Variants in NUBPL observed in about 807,000 individuals in gnomAD.
NUBPL encodes iron-sulfur cluster transfer protein NUBPL.
NUBPL carries 31 observed loss-of-function variants against 45.7 expected under a neutral mutation model. The ratio of observed to expected loss-of-function variants is 0.68; its 90% CI spans 0.51 to 0.92. The LOEUF (loss-of-function observed/expected upper bound fraction) is 0.92, where lower values mean the gene tolerates loss of function less well. Among genes scored for constraint, NUBPL ranks in the 40% least tolerant of loss-of-function variants. The pLI is 0.00. For synonymous variants in NUBPL, 144 were observed against 140.9 expected (o/e 1.02, Z -0.15); for missense variants, 401 against 398.7 (o/e 1.01, Z -0.05).
chr14:31,622,644 C>T (rs535539177), intron 4 of NUBPL, among the ~76,000 whole-genome samples: 1 of 152,234 alleles, frequency 6.6e-6, no homozygotes, highest in Non-Finnish European at 1.5e-5. Flanking sequence ...TCAGGCCATT[C>T]TTTCAGAGGG....
At chr14:31,823,626 A>T (rs1181427199) in intron 7 of NUBPL, among the ~76,000 whole-genome samples, 4 of 152,092 alleles carry the variant, frequency 2.6e-5, no homozygotes, top group Non-Finnish European at 5.9e-5. Flanking sequence ...GTTAAGATGT[A>T]ATGCTAAATA....
At chr14:31,733,960 A>AGTT (rs1368269257) in intron 6 of NUBPL, among the ~76,000 whole-genome samples, 6 of 152,146 alleles carry the variant, frequency 3.9e-5, no homozygotes, top group Admixed American at 3.3e-4. Context: ...GTTTGCTGAG[A>AGTT]GTTGTTATTA....
At chr14:31,673,451 C>A (rs759920548) in intron 5 of NUBPL, 33 bp from the exon 6 acceptor site, 1 of 1,601,184 alleles carries the variant, frequency 6.2e-7, no homozygotes, top group Admixed American at 1.7e-5. Context: ...TTAATTTATA[C>A]AAATTAGTTG....
intron 6 of NUBPL, among the ~76,000 whole-genome samples, chr14:31,696,833 A>C (rs1242132527): frequency 6.6e-6 from 1 of 152,252 alleles, no homozygotes; most frequent in Admixed American, 6.5e-5. Context: ...ATACAAACAT[A>C]AAAGTTTAAC....
At chr14:31,757,789 A>G (rs1414292061) in intron 6 of NUBPL, among the ~76,000 whole-genome samples, 1 of 152,186 alleles carries the variant, frequency 6.6e-6, no homozygotes, top group Non-Finnish European at 1.5e-5. Context: ...CCATGTGCTT[A>G]GATCATAACT....
At chr14:31,788,125 C>G (rs2039316883) in intron 7 of NUBPL, among the ~76,000 whole-genome samples, 1 of 151,970 alleles carries the variant, frequency 6.6e-6, no homozygotes, top group Non-Finnish European at 1.5e-5. Flanking sequence ...AAGAATTTGT[C>G]CAAGAGACAA....
chr14:31,621,681 C>T (rs1009446170), intron 4 of NUBPL, among the ~76,000 whole-genome samples: 2 of 152,218 alleles, frequency 1.3e-5, no homozygotes, highest in Non-Finnish European at 2.9e-5. Flanking sequence ...CAGAAATCAC[C>T]CGCCTTCTGC....
chr14:31,758,919 C>G (rs965752247), intron 6 of NUBPL, among the ~76,000 whole-genome samples: 8 of 152,072 alleles, frequency 5.3e-5, no homozygotes, highest in Non-Finnish European at 7.4e-5. Context: ...TTAAAGAAGA[C>G]AAGCTTTTCC....
At chr14:31,647,635 A>C (rs1295172995) in intron 4 of NUBPL, among the ~76,000 whole-genome samples, 1 of 152,230 alleles carries the variant, frequency 6.6e-6, no homozygotes, top group Non-Finnish European at 1.5e-5. Context: ...ACAGAGTTAC[A>C]GATCAGAGTT....
chr14:31,578,406 C>G (rs566293350), intron 3 of NUBPL, among the ~76,000 whole-genome samples: 1 of 152,260 alleles, frequency 6.6e-6, no homozygotes, highest in Admixed American at 6.5e-5. Flanking sequence ...TTTCACGTGA[C>G]AGATTTCATT....
intron 6 of NUBPL, among the ~76,000 whole-genome samples, chr14:31,739,100 G>A (rs939006171): frequency 2.7e-5 from 4 of 148,952 alleles, no homozygotes; most frequent in Non-Finnish European, 4.5e-5. Flanking sequence ...TGCAACCTCC[G>A]CCTCCTGGGT....
At chr14:31,669,588 G>GGTTTAATT (rs1275577381) in intron 4 of NUBPL, among the ~76,000 whole-genome samples, 2 of 151,818 alleles carry the variant, frequency 1.3e-5, no homozygotes, top group East Asian at 3.9e-4. Flanking sequence ...GTACTCAATA[G>GGTTTAATT]TTATATTTTT....
chr14:31,743,600 G>A (rs1011414704), intron 6 of NUBPL, among the ~76,000 whole-genome samples: 4 of 152,122 alleles, frequency 2.6e-5, no homozygotes, highest in African/African-American at 7.2e-5. Flanking sequence ...GGCTGGTCTC[G>A]AACTCCTGAA....
At chr14:31,654,074 A>G (rs2036080672) in intron 4 of NUBPL, 1 of 455,276 alleles carries the variant, frequency 2.2e-6, no homozygotes, top group Admixed American at 2.4e-5. Context: ...ATACAGGTAT[A>G]TCTCAGAGAT....
At chr14:31,778,999 A>G (rs941909977) in intron 6 of NUBPL, among the ~76,000 whole-genome samples, 1 of 152,190 alleles carries the variant, frequency 6.6e-6, no homozygotes, top group Admixed American at 6.5e-5. Flanking sequence ...GTAAAGTGGC[A>G]GGATTGGGCA....
intron 6 of NUBPL, among the ~76,000 whole-genome samples, chr14:31,729,275 T>TTCC (rs1555332372): frequency 2.2e-4 from 12 of 55,594 alleles, no homozygotes; most frequent in Non-Finnish European, 3.2e-4. Context: ...AGATGCTCCA[T>TTCC]CCCCCCCCCC....
chr14:31,656,733 A>G (rs1247767223), intron 4 of NUBPL, among the ~76,000 whole-genome samples: 1 of 152,208 alleles, frequency 6.6e-6, no homozygotes, highest in Admixed American at 6.5e-5. Context: ...TGATAGACAT[A>G]CTAATAATAA....
At chr14:31,747,072 C>CAA (rs371061163) in intron 6 of NUBPL, among the ~76,000 whole-genome samples, 3,579 of 65,446 alleles carry the variant, frequency 0.055, 93 homozygotes, top group African/African-American at 0.086. Context: ...AACCTGTCTC[C>CAA]AAAAAAAAAA....
At chr14:31,665,829 G>T (rs146914321) in intron 4 of NUBPL, among the ~76,000 whole-genome samples, 2 of 152,196 alleles carry the variant, frequency 1.3e-5, no homozygotes, top group Non-Finnish European at 2.9e-5. Context: ...TGACAGTGGG[G>T]TGTTAAAGTC....
Sources: allele counts gnomAD v4.1 joint callset (sites outside exome capture counted in the v4.1 genomes callset), GRCh38; gene constraint gnomAD v4.1.1; transcripts MANE v1.5; gene names NCBI Gene and HGNC (gene_info 2026-07-23, HGNC 2026-07-21).